IKBKE: variants seen among roughly 807,000 people sequenced by gnomAD.
IKBKE encodes inhibitor of nuclear factor kappa B kinase subunit epsilon, also known as inhibitor of nuclear factor kappa-B kinase subunit epsilon.
Under a neutral mutation model 92.1 loss-of-function variants are expected in IKBKE, and 45 were observed. The ratio of observed to expected loss-of-function variants is 0.49; its 90% CI spans 0.38 to 0.63. The LOEUF (loss-of-function observed/expected upper bound fraction) is 0.63. IKBKE is among the 20% of genes least tolerant of loss of function. IKBKE has a pLI of 0.00. For missense variants in IKBKE, 700 were observed against 932.8 expected (o/e 0.75, Z 3.25); for synonymous variants, 374 against 380.3 (o/e 0.98, Z 0.19).
rs551573638 is a variant in IKBKE, at chr1:206,478,027, TC to T, written c.813-129del. On this transcript the variant is annotated intron_variant, in intron 8 of 21. Transcript: ENST00000581977. This position sits in a 1 kb window ranked among gnomAD's most constrained non-coding sequence, Gnocchi z 4.8. ...TGGAACGAGTTCTTCCAGCTCTTCC[TC>T]CCCAACCCACCCTGCCCCACCATCT... 19 of 819,588 alleles carry T rather than the reference TC, an allele frequency of 2.3e-5. No homozygotes were observed. In the African/African-American group the frequency reaches 2.7e-4, roughly 12 times the overall value. The allele number at this position is 819,588 out of a possible 1,614,324, so 50.8% of individuals were successfully genotyped here. A position where few individuals can be genotyped will look rare whatever the true frequency, so the allele number is the denominator to read the frequency against.
Position 206,478,069 on chromosome 1 carries a change from A to T in IKBKE, c.813-91A>T. 9.2e-7 allele frequency: 1 copy of T among 1,086,842 alleles called. No individual in the cohort carries two copies. The highest frequency in any genetic ancestry group is 1.4e-5 in the South Asian group (1 of 71,138). 67.3% of individuals were successfully genotyped at this position (1,086,842 alleles called of 1,614,324 possible). ...CCCACCATCTTGGTCCTAGCTCTTCAGGATATTCTCTTAGAACGCTCCTAT... is the reference window on the plus strand; with the variant it reads ...CCCACCATCTTGGTCCTAGCTCTTCTGGATATTCTCTTAGAACGCTCCTAT... On this transcript the variant is annotated intron_variant, in intron 8 of 21. Transcript: ENST00000581977. This position sits in a 1 kb window ranked among gnomAD's most constrained non-coding sequence, Gnocchi z 4.8.
chr1:206,491,453 C>T (rs1665949805), intron 17 of IKBKE, 195 bp from the exon 18 acceptor site: 2 of 499,946 alleles, frequency 4.0e-6, no homozygotes, highest in African/African-American at 3.9e-5. Flanking sequence ...GTGGGCTTTG[C>T]TGGCCACTGC....
At position 206,496,574 on chromosome 1, in the gene IKBKE, TCA is replaced by T; in HGVS notation, c.*432_*433del. On this transcript the variant is annotated 3_prime_UTR_variant, in exon 22 of 22. Coordinates refer to ENST00000581977, the MANE Select transcript of IKBKE (RefSeq NM_014002.4). Reference sequence around the variant, plus strand: ...CAGGGCAGTAGGTCAAACGACCTCATCACAGTCTTCCTTCCTCTTCAAGCGTT... The same window carrying T: ...CAGGGCAGTAGGTCAAACGACCTCATCAGTCTTCCTTCCTCTTCAAGCGTT... The T allele has an allele frequency of 4.0e-6, 1 of 251,072 alleles. No individual in the cohort carries two copies. 15.6% of individuals were successfully genotyped at this position (251,072 alleles called of 1,614,324 possible). A position where few individuals can be genotyped will look rare whatever the true frequency, so the allele number is the denominator to read the frequency against.
At chr1:206,494,592 CTTTTTTTTTTTTTTT>C (rs58971788) in intron 21 of IKBKE, among the ~76,000 whole-genome samples, 1 of 63,900 alleles carries the variant, frequency 1.6e-5, no homozygotes, top group African/African-American at 5.7e-5. Flanking sequence ...AAAGTTCTTT[CTTTTTTTTTTTTTTT>C]TTTTTTTTTT....
At chr1:206,486,854 TG>T (rs1665693216) in intron 15 of IKBKE, among the ~76,000 whole-genome samples, 1 of 151,402 alleles carries the variant, frequency 6.6e-6, no homozygotes, top group Non-Finnish European at 1.5e-5. Flanking sequence ...GGATGAAGGC[TG>T]AGGATCAAGG....
intron 4 of IKBKE, 85 bp from the exon 5 acceptor site, chr1:206,474,780 C>G: frequency 1.3e-6 from 2 of 1,518,120 alleles, no homozygotes; most frequent in South Asian, 1.2e-5. Flanking sequence ...AATGGGGGCT[C>G]TGGGCTCCAG....
intron 16 of IKBKE, among the ~76,000 whole-genome samples, chr1:206,488,226 C>A (rs1200701126): frequency 6.6e-6 from 1 of 152,252 alleles, no homozygotes; most frequent in Non-Finnish European, 1.5e-5. Context: ...CCTTTACATG[C>A]CTGCCTGTTG....
intron 3 of IKBKE, among the ~76,000 whole-genome samples, chr1:206,473,592 T>C (rs1664894352): frequency 1.3e-5 from 2 of 152,194 alleles, no homozygotes; most frequent in Non-Finnish European, 2.9e-5. Context: ...AATCTAGGAA[T>C]AGCAGAGTGG....
Position 206,480,456 on chromosome 1 carries a change from C to T in IKBKE, c.1350C>T (p.Leu450=). 1 of 1,613,640 alleles carries T rather than the reference C, an allele frequency of 6.2e-7. No individual in the cohort carries two copies. The highest frequency in any genetic ancestry group is 8.5e-7 in the Non-Finnish European group (1 of 1,179,748). The part of the protein sequence containing the change: ...FRGLHWVMEV[L]QATCRRTLEV... ...GTCTCCCCTTGGACAGGGAGGTGCT[C>T]CAGGCCACATGCAGACGGACTCTGG... The change falls in exon 13 of 22, where the codon CTC becomes CTT. Residue 450 remains leucine (L), a synonymous_variant. Transcript: ENST00000581977.
chr1:206,477,836 C>A lies in IKBKE; in HGVS notation c.789C>A (p.Leu263=). The change falls in exon 8 of 22, where the codon CTC becomes CTA. Residue 263 remains leucine (L), a synonymous_variant. Transcript: ENST00000581977. The part of the protein sequence containing the change: ...ENGPLEWSYT[L]PITCQLSLGL... ...GGCCCCTGGAGTGGAGCTACACCCT[C>A]CCCATCACCTGCCAGCTGTCACTGT... 1 of 1,555,436 alleles carries A rather than the reference C, an allele frequency of 6.4e-7. No individual in the cohort carries two copies. Among genetic ancestry groups the A allele is most frequent in the Non-Finnish European group, 8.7e-7 (1 of 1,148,984 alleles).
At chr1:206,472,527 TCA>T (rs1664829954) in intron 2 of IKBKE, among the ~76,000 whole-genome samples, 1 of 151,756 alleles carries the variant, frequency 6.6e-6, no homozygotes, top group Admixed American at 6.6e-5. Context: ...TACCCTGCTC[TCA>T]CACACACACC....
At position 206,491,703 on chromosome 1, in the gene IKBKE, G is replaced by A. The variant is rs782580521; in HGVS notation, c.1789G>A (p.Val597Met). ...RLLQVFQEEC[V>M]QKYQASLVTH... ...CCTGCAGGTGTTCCAGGAGGAGTGC[G>A]TGCAGAAGTATCAAGCGTCCTTAGT... The change falls in exon 18 of 22, where the codon GTG becomes ATG. Residue 597 changes from valine to methionine, a missense_variant. Val to Met is a conservative substitution (Grantham distance 21, BLOSUM62 1). Transcript: ENST00000581977. 46 of 1,613,596 alleles carry A rather than the reference G, an allele frequency of 2.9e-5. No individual in the cohort carries two copies. Among genetic ancestry groups the A allele is most frequent in the African/African-American group, 5.3e-5 (4 of 75,016 alleles).
intron 3 of IKBKE, 144 bp from the exon 4 acceptor site, chr1:206,474,187 G>T: frequency 2.7e-6 from 2 of 728,630 alleles, no homozygotes; most frequent in Non-Finnish European, 4.6e-6. Flanking sequence ...GCGGATGGGA[G>T]CCCCCATCCA....
chr1:206,488,178 G>A (rs1396030059), intron 16 of IKBKE, among the ~76,000 whole-genome samples, 188 bp downstream of exon 16: 4 of 152,258 alleles, frequency 2.6e-5, no homozygotes, highest in African/African-American at 9.6e-5. Context: ...CAAGGCCCCT[G>A]TCTGCAAGCT....
At chr1:206,491,973 C>T in intron 18 of IKBKE, 2 of 438,190 alleles carry the variant, frequency 4.6e-6, no homozygotes, top group South Asian at 4.5e-5. Context: ...CAGTAGATAT[C>T]ATCACCCTAT....
Position 206,496,273 on chromosome 1 carries a change from G to C in IKBKE, c.*128G>C. 1.3e-6 allele frequency: 1 copy of C among 780,472 alleles called. No homozygotes were observed. Among genetic ancestry groups the C allele is most frequent in the Non-Finnish European group, 2.2e-6 (1 of 445,572 alleles). The allele number at this position is 780,472 out of a possible 1,614,324, so 48.3% of individuals were successfully genotyped here. A position where few individuals can be genotyped will look rare whatever the true frequency, so the allele number is the denominator to read the frequency against. The stretch of plus-strand genomic sequence containing the variant: ...CAGCCTACCTCCCTCCTGGCTGCTG[G>C]CCAGGATGTCGCCAGCATTACCTTC... On this transcript the variant is annotated 3_prime_UTR_variant, in exon 22 of 22. Transcript: ENST00000581977.
In IKBKE at chr1:206,479,123, C is replaced by A. The variant is rs954965997; in HGVS notation, c.1173C>A (p.Ala391=). 2.5e-6 allele frequency: 4 copies of A among 1,599,386 alleles called. No individual in the cohort carries two copies. In the Admixed American group the frequency reaches 6.8e-5, roughly 27 times the overall value. Residue 391 remains alanine, a synonymous_variant, in exon 10 of 22, where the codon GCC becomes GCA. Coordinates refer to ENST00000581977, the MANE Select transcript of IKBKE (RefSeq NM_014002.4). The stretch of plus-strand genomic sequence containing the variant: ...GCACAGCCATCCCTAAGGGGCTGGC[C>A]TTCAGGGACCGTGAGTAGAGCCACC... ...LFSTAIPKGL[A]FRDPALDVPK... is the part of the protein sequence containing the mutation.
chr1:206,475,868 A>T (rs1235686489), intron 5 of IKBKE, among the ~76,000 whole-genome samples: 1 of 152,086 alleles, frequency 6.6e-6, no homozygotes, highest in Non-Finnish European at 1.5e-5. Flanking sequence ...AAATTTCGTT[A>T]TGCATATTTT....
chr1:206,470,931 C>T (rs1230801731), intron 1 of IKBKE, among the ~76,000 whole-genome samples: 5 of 152,252 alleles, frequency 3.3e-5, no homozygotes, highest in Non-Finnish European at 7.3e-5. Context: ...CTGCCCTCAC[C>T]TTTCCCGGGG....
Sources: allele counts gnomAD v4.1 joint callset (sites outside exome capture counted in the v4.1 genomes callset), GRCh38; gene constraint gnomAD v4.1.1; non-coding constraint Gnocchi (gnomAD v3.1); transcripts MANE v1.5; gene names NCBI Gene and HGNC (gene_info 2026-07-23, HGNC 2026-07-21).